HDAC4: variants seen among roughly 807,000 people sequenced by gnomAD.
HDAC4 encodes histone deacetylase A.
In HDAC4, 16 loss-of-function variants were observed where a neutral mutation model predicts 135.1. That is an observed-to-expected ratio of 0.12 (90% CI 0.08 to 0.18). The LOEUF (loss-of-function observed/expected upper bound fraction) is 0.18, where lower values mean the gene tolerates loss of function less well. Among genes scored for constraint, HDAC4 ranks in the 10% least tolerant of loss-of-function variants. The probability of loss-of-function intolerance (pLI) is 1.00; values close to 1 mark genes in which losing one functional copy is unlikely to be tolerated. For synonymous variants in HDAC4, 685 were observed against 653.4 expected (o/e 1.05, Z -0.74); for missense variants, 1,143 against 1,511.8 (o/e 0.76, Z 4.05).
intron 2 of HDAC4, among the ~76,000 whole-genome samples, chr2:239,261,291 A>G (rs998747953): frequency 6.6e-6 from 1 of 152,218 alleles, no homozygotes; most frequent in African/African-American, 2.4e-5. Flanking sequence ...CAGAATGTAC[A>G]CGAGCCCAGG....
intron 2 of HDAC4, among the ~76,000 whole-genome samples, chr2:239,330,150 C>T (rs1691471240): frequency 2.0e-5 from 3 of 152,232 alleles, no homozygotes; most frequent in Non-Finnish European, 2.9e-5. Flanking sequence ...GGCCGGAGGC[C>T]GTATGCAGGC....
intron 1 of HDAC4, among the ~76,000 whole-genome samples, chr2:239,371,584 G>T (rs1694621695): frequency 6.6e-6 from 1 of 151,666 alleles, no homozygotes; most frequent in Non-Finnish European, 1.5e-5. Context: ...CACACCCACA[G>T]ACATTCACAA....
At chr2:239,131,518 T>G (rs1216204058) in intron 11 of HDAC4, among the ~76,000 whole-genome samples, 3 of 152,058 alleles carry the variant, frequency 2.0e-5, no homozygotes, top group African/African-American at 7.2e-5. Context: ...GGGGCAGGGA[T>G]GGAAGCCTGG....
intron 2 of HDAC4, among the ~76,000 whole-genome samples, chr2:239,263,701 G>A (rs1404457793): frequency 6.6e-6 from 1 of 152,220 alleles, no homozygotes; most frequent in Non-Finnish European, 1.5e-5. Flanking sequence ...CTCCAAGTTG[G>A]AGGTGTTAAC....
chr2:239,179,731 G>A (rs1311689889), intron 4 of HDAC4, among the ~76,000 whole-genome samples: 1 of 152,244 alleles, frequency 6.6e-6, no homozygotes, highest in Non-Finnish European at 1.5e-5. Flanking sequence ...CATCGGACGG[G>A]CAGAGGCAAC....
chr2:239,171,650 G>A (rs977443288), intron 5 of HDAC4, among the ~76,000 whole-genome samples: 7 of 152,018 alleles, frequency 4.6e-5, no homozygotes, highest in Admixed American at 4.6e-4. Flanking sequence ...ACAGATTTAG[G>A]AATTACAAAT....
chr2:239,322,180 A>T (rs748303649), intron 2 of HDAC4, among the ~76,000 whole-genome samples: 5 of 152,250 alleles, frequency 3.3e-5, no homozygotes, highest in Non-Finnish European at 7.3e-5. Context: ...CTTGGCCTGC[A>T]ACCAATCAGG....
intron 1 of HDAC4, among the ~76,000 whole-genome samples, chr2:239,397,723 T>C (rs2126132951): frequency 6.6e-6 from 1 of 152,350 alleles, no homozygotes; most frequent in East Asian, 1.9e-4. Context: ...ACTGACCGTA[T>C]GAAGAGAACT....
intron 15 of HDAC4, among the ~76,000 whole-genome samples, chr2:239,105,882 C>T (rs1001477955): frequency 3.3e-5 from 5 of 152,302 alleles, no homozygotes; most frequent in African/African-American, 9.6e-5. Flanking sequence ...TGGTGGGTGA[C>T]GTCACGTCCC....
Position 239,167,206 on chromosome 2 carries a change from A to G in HDAC4, c.491-3283T>C, listed in dbSNP as rs1258487642. On this transcript the variant is annotated intron_variant, in intron 5 of 26. Transcript: ENST00000543185. The surrounding 1 kb of genome is among the most constrained non-coding windows in gnomAD (Gnocchi z 4.1). ...GTCAGCCTTACCTGCTCAAAACACC[A>G]GTTCCCAGGGACAGCTGTTACTGTG... 6.6e-6 allele frequency among the ~76,000 whole-genome samples: 1 copy of G among 152,172 alleles called. No homozygotes were observed. Among genetic ancestry groups the G allele is most frequent in the Non-Finnish European group, 1.5e-5 (1 of 68,026 alleles).
rs114916126 is a variant in HDAC4, at chr2:239,118,781, G to C, written c.1534-3471C>G. On this transcript the variant is annotated intron_variant, in intron 12 of 26. Transcript: ENST00000543185. The stretch of plus-strand genomic sequence containing the variant: ...GAAACAAGTTCAACTAAGGAATCTA[G>C]CAACATTGTCCCCATTTGCTCTGAC... Among the ~76,000 whole-genome samples, 584 of 152,250 alleles carry C rather than the reference G, an allele frequency of 3.8e-3. 2 individuals carry two copies. Among genetic ancestry groups the C allele is most frequent in the African/African-American group, 0.014 (569 of 41,528 alleles).
intron 2 of HDAC4, 73 bp from the exon 3 acceptor site, chr2:239,236,737 G>A: frequency 9.0e-7 from 1 of 1,109,238 alleles, no homozygotes; most frequent in Non-Finnish European, 1.3e-6. Flanking sequence ...CTGGGAGTCT[G>A]CAGGGAGTAA....
chr2:239,235,859 G>A (rs951136987), intron 3 of HDAC4, among the ~76,000 whole-genome samples: 2 of 152,270 alleles, frequency 1.3e-5, no homozygotes, highest in African/African-American at 4.8e-5. Context: ...GGCCAACATG[G>A]TAAAACCCCG....
chr2:239,329,871 G>A (rs958510920), intron 2 of HDAC4, among the ~76,000 whole-genome samples: 6 of 151,966 alleles, frequency 3.9e-5, no homozygotes, highest in Admixed American at 3.9e-4. Context: ...ATGTCTCAGA[G>A]AAGGGAGCAG....
At chr2:239,080,399 G>A (rs949699228) in intron 22 of HDAC4, among the ~76,000 whole-genome samples, 5 of 152,210 alleles carry the variant, frequency 3.3e-5, no homozygotes, top group African/African-American at 4.8e-5. Flanking sequence ...TCTGGGAACC[G>A]ATGTGGGCTG....
intron 3 of HDAC4, among the ~76,000 whole-genome samples, chr2:239,208,205 TAGTCCC>T (rs2046157210): frequency 6.6e-6 from 1 of 150,526 alleles, no homozygotes; most frequent in South Asian, 2.1e-4. Context: ...TGGGTGCCTG[TAGTCCC>T]AGCTACTCCG....
At chr2:239,305,975 G>A (rs1418321993) in intron 2 of HDAC4, among the ~76,000 whole-genome samples, 1 of 152,200 alleles carries the variant, frequency 6.6e-6, no homozygotes, top group Non-Finnish European at 1.5e-5. Flanking sequence ...TCAGATGAAT[G>A]CAGCACCCTG....
chr2:239,339,775 C>T lies in HDAC4; in HGVS notation c.22+12903G>A, dbSNP rs116295784. ...CCACCAAATCCACTCATAACAGCAT[C>T]CAGGTAACTTCCAAAGAAATGGAAA... On this transcript the variant is annotated intron_variant, in intron 2 of 26. Transcript: ENST00000543185. Among the ~76,000 whole-genome samples, 1,196 of 152,274 alleles carry T rather than the reference C, an allele frequency of 7.9e-3. 9 individuals are homozygous for T. Among genetic ancestry groups the T allele is most frequent in the Non-Finnish European group, 0.012 (808 of 68,026 alleles).
chr2:239,129,920 G>T (rs959930542), intron 11 of HDAC4, among the ~76,000 whole-genome samples: 1 of 152,198 alleles, frequency 6.6e-6, no homozygotes, highest in Non-Finnish European at 1.5e-5. Flanking sequence ...TAAGAAAAAA[G>T]AAGGTGAAAG....
Sources: allele counts gnomAD v4.1 joint callset (sites outside exome capture counted in the v4.1 genomes callset), GRCh38; gene constraint gnomAD v4.1.1; non-coding constraint Gnocchi (gnomAD v3.1); transcripts MANE v1.5; gene names NCBI Gene and HGNC (gene_info 2026-07-23, HGNC 2026-07-21).